Variants in SFTPD observed in about 807,000 individuals in gnomAD.
SFTPD encodes surfactant protein D, also known as pulmonary surfactant-associated protein D.
A neutral mutation model predicts 34.6 loss-of-function variants in SFTPD; 18 were observed. That is an observed-to-expected ratio of 0.52 (90% CI 0.36 to 0.77). The LOEUF is 0.77. Ranked by LOEUF, SFTPD falls within the 30% of genes least tolerant of loss-of-function variation. The probability of loss-of-function intolerance (pLI) is 0.00; values close to 1 mark genes in which losing one functional copy is unlikely to be tolerated. For synonymous variants in SFTPD, 155 were observed against 180.9 expected (o/e 0.86, Z 1.15); for missense variants, 433 against 468.9 (o/e 0.92, Z 0.71).
intron 1 of SFTPD, among the ~76,000 whole-genome samples, chr10:79,977,693 C>G (rs1842870502): frequency 6.6e-6 from 1 of 152,214 alleles, no homozygotes; most frequent in Admixed American, 6.5e-5. Context: ...TTCATCCAGT[C>G]ATTGCTTTAC....
chr10:79,974,876 CAG>C (rs1229053351), intron 1 of SFTPD, among the ~76,000 whole-genome samples: 5 of 152,316 alleles, frequency 3.3e-5, no homozygotes, highest in African/African-American at 1.2e-4. Flanking sequence ...AGTGGGAAAT[CAG>C]GGGTCTCACA....
chr10:79,942,915 C>T, intron 2 of SFTPD, 36 bp from the exon 3 acceptor site: 5 of 1,428,708 alleles, frequency 3.5e-6, no homozygotes, highest in Non-Finnish European at 4.0e-6. Context: ...AGACCTGGCC[C>T]TAGACCCAGA....
intron 1 of SFTPD, among the ~76,000 whole-genome samples, chr10:79,961,402 T>C (rs10887253): frequency 0.15 from 22,247 of 151,960 alleles, 2,060 homozygotes; most frequent in East Asian, 0.41. Context: ...ACTCATCTGA[T>C]AAAGGGCTAA....
chr10:79,947,444 C>A (rs1462601275), intron 1 of SFTPD, among the ~76,000 whole-genome samples: 2 of 152,320 alleles, frequency 1.3e-5, no homozygotes, highest in Non-Finnish European at 2.9e-5. Context: ...AACCCCAGCA[C>A]TTTGGGAGGC....
chr10:79,942,109 C>T (rs746807489), intron 4 of SFTPD, 39 bp from the exon 5 acceptor site: 7 of 1,446,440 alleles, frequency 4.8e-6, no homozygotes, highest in Admixed American at 3.6e-5. Context: ...CAGCTAAGAG[C>T]GCGTTCAGCA....
upstream of SFTPD, chr10:79,951,081 T>C (rs1424935786): frequency 1.3e-5 from 2 of 152,134 alleles, no homozygotes; most frequent in Non-Finnish European, 2.9e-5. Flanking sequence ...AAATTTTTCA[T>C]TAATATCCTG....
rs1842570288 is a variant in SFTPD at position 79,937,754 on chromosome 10, G to T, written c.*98C>A. 1 of 1,307,140 alleles carries T rather than the reference G, an allele frequency of 7.7e-7. No homozygotes were observed. Among genetic ancestry groups the T allele is most frequent in the African/African-American group, 1.5e-5 (1 of 67,668 alleles). The allele number at this position is 1,307,140 out of a possible 1,614,324, so 81.0% of individuals were successfully genotyped here. ...GAGAGAAGTCCTTCCCGGCACAGAT[G>T]GTCACCTTTTTATTAGGATATTGGC... On this transcript the variant is annotated 3_prime_UTR_variant, in exon 8 of 8. Coordinates refer to ENST00000372292, the MANE Select transcript of SFTPD (RefSeq NM_003019.5).
At chr10:79,954,017 T>C (rs1842725682), upstream of SFTPD, among the ~76,000 whole-genome samples, 1 of 147,056 alleles carries the variant, frequency 6.8e-6, no homozygotes, top group Non-Finnish European at 1.5e-5. Flanking sequence ...TTTTTTTTTA[T>C]ATAGTTTTTA....
intron 1 of SFTPD, among the ~76,000 whole-genome samples, chr10:79,975,068 C>G (rs1842857328): frequency 6.6e-6 from 1 of 152,090 alleles, no homozygotes; most frequent in Non-Finnish European, 1.5e-5. Context: ...GGGGTGTATT[C>G]CAACAGGGAA....
upstream of SFTPD, among the ~76,000 whole-genome samples, chr10:79,951,887 T>C (rs79003322): frequency 0.022 from 3,351 of 152,258 alleles, 142 homozygotes; most frequent in African/African-American, 0.077. Flanking sequence ...AGCAACTGCC[T>C]TGATGGGAGT....
chr10:79,974,120 G>A (rs555260179), intron 1 of SFTPD, among the ~76,000 whole-genome samples: 7 of 152,164 alleles, frequency 4.6e-5, no homozygotes, highest in East Asian at 3.9e-4. Context: ...GGACTATGCC[G>A]TTAGTTGTTT....
chr10:79,958,700 C>G (rs1224339732), intron 1 of SFTPD, among the ~76,000 whole-genome samples: 1 of 152,152 alleles, frequency 6.6e-6, no homozygotes, highest in Admixed American at 6.5e-5. Context: ...TAATGGGAGA[C>G]TTTAACACCC....
At chr10:79,975,739 C>T (rs1037570288) in intron 1 of SFTPD, among the ~76,000 whole-genome samples, 1 of 152,182 alleles carries the variant, frequency 6.6e-6, no homozygotes, top group African/African-American at 2.4e-5. Context: ...AACAGCAAGC[C>T]AGTCATTAGC....
chr10:79,940,882 G>C, intron 6 of SFTPD, 94 bp from the exon 7 acceptor site: 1 of 809,774 alleles, frequency 1.2e-6, no homozygotes, highest in Non-Finnish European at 2.1e-6. Context: ...CTAGTTTCGG[G>C]CACATATTGT....
chr10:79,938,995 A>G (rs903686166), intron 7 of SFTPD, among the ~76,000 whole-genome samples: 6 of 152,196 alleles, frequency 3.9e-5, no homozygotes, highest in Non-Finnish European at 2.9e-5. Flanking sequence ...AAGACCAGGC[A>G]TTCAGATCCA....
At chr10:79,955,138 T>C (rs534072321) in intron 1 of SFTPD, among the ~76,000 whole-genome samples, 41 of 152,264 alleles carry the variant, frequency 2.7e-4, no homozygotes, top group Admixed American at 5.2e-4. Flanking sequence ...CTCATTCCTT[T>C]GACTCCACCA....
intron 1 of SFTPD, among the ~76,000 whole-genome samples, chr10:79,960,457 C>CA (rs1400744812): frequency 6.7e-6 from 1 of 149,034 alleles, no homozygotes; most frequent in Non-Finnish European, 1.5e-5. Context: ...TCTCAGGATA[C>CA]AAAATCAATG....
At chr10:79,982,142 C>T in intron 1 of SFTPD, 1 of 360,736 alleles carries the variant, frequency 2.8e-6, no homozygotes, top group Non-Finnish European at 4.8e-6. Context: ...GCTCTCCGGG[C>T]GCGCCTGGCG....
intron 1 of SFTPD, among the ~76,000 whole-genome samples, chr10:79,959,372 G>T (rs1842758582): frequency 6.6e-6 from 1 of 151,982 alleles, no homozygotes; most frequent in Non-Finnish European, 1.5e-5. Flanking sequence ...TTTTTGAAAG[G>T]ATCAACAAAA....
Sources: allele counts gnomAD v4.1 joint callset (sites outside exome capture counted in the v4.1 genomes callset), GRCh38; gene constraint gnomAD v4.1.1; transcripts MANE v1.5; gene names NCBI Gene and HGNC (gene_info 2026-07-23, HGNC 2026-07-21).